Variants in UNC5A observed in about 807,000 individuals in gnomAD.
UNC5A encodes the protein unc-5 netrin receptor A.
A neutral mutation model predicts 87.4 loss-of-function variants in UNC5A; 20 were observed. The observed-to-expected ratio is 0.23, with a 90% confidence interval of 0.16 to 0.33. The LOEUF (loss-of-function observed/expected upper bound fraction) is 0.33, where lower values mean the gene tolerates loss of function less well. Among genes scored for constraint, UNC5A ranks in the 10% least tolerant of loss-of-function variants. The probability of loss-of-function intolerance (pLI) is 1.00; values close to 1 mark genes in which losing one functional copy is unlikely to be tolerated. For missense variants in UNC5A, 844 were observed against 1,133.4 expected, an observed-to-expected ratio of 0.74 and a Z score of 3.67; for synonymous variants, 438 against 482.3, an observed-to-expected ratio of 0.91 and a Z score of 1.20.
chr5:176,823,931 T>C (rs114976481), intron 1 of UNC5A, among the ~76,000 whole-genome samples: 2,622 of 152,212 alleles, frequency 0.017, 41 homozygotes, highest in Non-Finnish European at 0.023. Flanking sequence ...GCACAGCACC[T>C]CCACCCTCCT....
In UNC5A at chr5:176,878,137, GCCCCTCA is replaced by G; in HGVS notation, c.1869+15_1869+21del. 6.2e-7 allele frequency: 1 copy of G among 1,605,478 alleles called. No homozygotes were observed. Among genetic ancestry groups the G allele is most frequent in the East Asian group, 2.2e-5 (1 of 44,804 alleles). On this transcript the variant is annotated intron_variant, in intron 11 of 14. Transcript: ENST00000329542. ...CCACGATGCACTCAAGGTATCTCCC[GCCCCTCA>G]CCCCCCGCCGCTGGGAGGCCGAGCT...
chr5:176,829,881 C>CTTTTTTTTTTTTTTTTTTTTTTTTTTT, intron 1 of UNC5A, among the ~76,000 whole-genome samples: 1 of 87,320 alleles, frequency 1.1e-5, no homozygotes, highest in African/African-American at 3.3e-5. Flanking sequence ...ATCACTGCTC[C>CTTTTTTTTTTTTTTTTTTTTTTTTTTT]TTTTTTTTTT....
rs961068893 is a variant in UNC5A, at chr5:176,848,008, A to G, written c.71-14616A>G. ...GAAGGGCTGGGCTTCTTGAGGGCGG[A>G]GGCTCCTGCTGCCTTCCCACACCAG... On this transcript the variant is annotated intron_variant, in intron 1 of 14. Coordinates refer to ENST00000329542, the MANE Select transcript of UNC5A (RefSeq NM_133369.3). This position sits in a 1 kb window ranked among gnomAD's most constrained non-coding sequence, Gnocchi z 5.8. Among the ~76,000 whole-genome samples the G allele has an allele frequency of 3.9e-5, 6 of 152,070 alleles. No homozygotes were observed. The highest frequency in any genetic ancestry group is 8.8e-5 in the Non-Finnish European group (6 of 67,990).
Position 176,874,672 on chromosome 5 carries a change from C to T in UNC5A, c.1378+106C>T. The T allele has an allele frequency of 7.6e-7, 1 of 1,315,292 alleles. No individual in the cohort carries two copies. 81.5% of individuals were successfully genotyped at this position (1,315,292 alleles called of 1,614,324 possible). A position where few individuals can be genotyped will look rare whatever the true frequency, so the allele number is the denominator to read the frequency against. ...CCCTCGGTGTCCCGTGACAGATCAG[C>T]AAGGAAAGGGGGTGGAGTTTTGGGG... On this transcript the variant is annotated intron_variant, in intron 8 of 14. Coordinates refer to ENST00000329542, the MANE Select transcript of UNC5A (RefSeq NM_133369.3). The surrounding 1 kb of genome is among the most constrained non-coding windows in gnomAD (Gnocchi z 7.6).
intron 1 of UNC5A, among the ~76,000 whole-genome samples, chr5:176,821,806 C>G (rs1756733706): frequency 6.6e-6 from 1 of 152,238 alleles, no homozygotes; most frequent in African/African-American, 2.4e-5. Context: ...ACAAAGGCAT[C>G]TCAGGCCTTC....
At chr5:176,813,331 C>T (rs1300739786) in intron 1 of UNC5A, among the ~76,000 whole-genome samples, 1 of 152,198 alleles carries the variant, frequency 6.6e-6, no homozygotes, top group African/African-American at 2.4e-5. Flanking sequence ...TGCTGCATTG[C>T]CCAACCTGAC....
chr5:176,876,619 A>G (rs1293204106), intron 8 of UNC5A, among the ~76,000 whole-genome samples: 1 of 152,176 alleles, frequency 6.6e-6, no homozygotes, highest in African/African-American at 2.4e-5. Context: ...GAGGGCATCC[A>G]GCCCAGGAGA....
intron 1 of UNC5A, among the ~76,000 whole-genome samples, chr5:176,817,945 C>T (rs1201342868): frequency 6.6e-6 from 1 of 152,028 alleles, no homozygotes; most frequent in Non-Finnish European, 1.5e-5. Flanking sequence ...CCCGCCAGCC[C>T]GCCCGCGGCC....
intron 1 of UNC5A, among the ~76,000 whole-genome samples, chr5:176,815,490 A>T (rs57185736): frequency 0.03 from 4,496 of 152,350 alleles, 168 homozygotes; most frequent in African/African-American, 0.084. Context: ...AGCAACTTGC[A>T]GTCCCCAGCC....
chr5:176,878,436 T>G (rs1160521505), intron 12 of UNC5A, 39 bp from the exon 13 acceptor site: 1 of 1,612,024 alleles, frequency 6.2e-7, no homozygotes, highest in Non-Finnish European at 8.5e-7. Flanking sequence ...GGCCTGGAGC[T>G]TGGGCTCACC....
chr5:176,861,833 G>A (rs1757847724), intron 1 of UNC5A, among the ~76,000 whole-genome samples: 1 of 152,242 alleles, frequency 6.6e-6, no homozygotes, highest in African/African-American at 2.4e-5. Flanking sequence ...GGAGGCTGAG[G>A]ACCTGTTCAA....
intron 2 of UNC5A, among the ~76,000 whole-genome samples, chr5:176,863,186 C>A (rs1757884424): frequency 6.6e-6 from 1 of 152,222 alleles, no homozygotes. Context: ...AGCGGGGTGA[C>A]CTCTCAGCAG....
chr5:176,823,352 C>G (rs981758384), intron 1 of UNC5A, among the ~76,000 whole-genome samples: 1 of 151,978 alleles, frequency 6.6e-6, no homozygotes, highest in Admixed American at 6.6e-5. Flanking sequence ...GGACAGGGCG[C>G]CTGGGTCACA....
intron 1 of UNC5A, among the ~76,000 whole-genome samples, chr5:176,861,971 T>C (rs904962407): frequency 3.3e-5 from 5 of 152,208 alleles, no homozygotes; most frequent in Admixed American, 3.3e-4. Flanking sequence ...GCCAATTACC[T>C]GTGTAATTAG....
At chr5:176,854,119 C>A (rs1244113514) in intron 1 of UNC5A, among the ~76,000 whole-genome samples, 2 of 152,040 alleles carry the variant, frequency 1.3e-5, no homozygotes, top group African/African-American at 4.8e-5. Flanking sequence ...CTGCATGGCA[C>A]CCCGTTGTTA....
Position 176,879,914 on chromosome 5 carries a change from T to C in UNC5A, c.*28T>C. 6.3e-7 allele frequency: 1 copy of C among 1,597,996 alleles called. No homozygotes were observed. The highest frequency in any genetic ancestry group is 8.5e-7 in the Non-Finnish European group (1 of 1,173,296). On this transcript the variant is annotated 3_prime_UTR_variant, in exon 15 of 15. Coordinates refer to ENST00000329542, the MANE Select transcript of UNC5A (RefSeq NM_133369.3). ...CCGGCCAGGCCCGACACCTACACTCTCACCAGCTTTGGCACCCACCAAGGA... is the reference window on the plus strand; with the variant it reads ...CCGGCCAGGCCCGACACCTACACTCCCACCAGCTTTGGCACCCACCAAGGA...
rs78549580 is a variant in UNC5A, at chr5:176,859,181, G to A, written c.71-3443G>A. Among the ~76,000 whole-genome samples the A allele has an allele frequency of 8.3e-3, 462 of 55,888 alleles. 45 individuals are homozygous for A. Among genetic ancestry groups the A allele is most frequent in the African/African-American group, 0.054 (416 of 7,684 alleles). 36.7% of individuals were successfully genotyped at this position (55,888 alleles called of 152,430 possible). On this transcript the variant is annotated intron_variant, in intron 1 of 14. Transcript: ENST00000329542. The stretch of plus-strand genomic sequence containing the variant: ...CTACAATGTCCTTGCTAGAGGGCAT[G>A]GCTGCTAGAATGCCCTTGCTAGAGG...
chr5:176,872,700 T>C (rs1277524922), intron 6 of UNC5A, among the ~76,000 whole-genome samples: 1 of 108,610 alleles, frequency 9.2e-6, no homozygotes, highest in Non-Finnish European at 1.9e-5. Flanking sequence ...ACACCACAGC[T>C]TCCCATCTGC....
intron 1 of UNC5A, among the ~76,000 whole-genome samples, chr5:176,811,337 ACACACGCTCT>A (rs1756449007): frequency 1.3e-5 from 2 of 152,248 alleles, no homozygotes; most frequent in South Asian, 4.1e-4. Flanking sequence ...TGTCCCCGCC[ACACACGCTCT>A]CACACGCACA....
Sources: gnomAD v4.1 joint callset for allele counts (sites outside exome capture counted in the v4.1 genomes callset) on GRCh38, gnomAD v4.1.1 for gene constraint, Gnocchi (gnomAD v3.1) non-coding constraint, MANE v1.5 for transcripts, NCBI Gene and HGNC (gene_info 2026-07-23, HGNC 2026-07-21) for gene names.